Variants in CCDC102B observed in about 807,000 individuals in gnomAD.
CCDC102B encodes the protein coiled-coil domain containing 102B.
CCDC102B carries 75 observed loss-of-function variants against 57.4 expected under a neutral mutation model. The ratio of observed to expected loss-of-function variants is 1.31; its 90% CI spans 1.08 to 1.58. The LOEUF is 1.58. Among genes scored for constraint, CCDC102B ranks in the 40% most tolerant of loss-of-function variants. The probability of loss-of-function intolerance (pLI) is 0.00; values close to 1 mark genes in which losing one functional copy is unlikely to be tolerated. For missense variants in CCDC102B, 636 were observed against 582.6 expected (o/e 1.09, Z -0.94); for synonymous variants, 206 against 201.9 (o/e 1.02, Z -0.17).
chr18:68,799,385 A>T (rs1000165233), intron 1 of CCDC102B, among the ~76,000 whole-genome samples: 1 of 152,092 alleles, frequency 6.6e-6, no homozygotes, highest in Middle Eastern at 3.2e-3. Flanking sequence ...ATATGTTATC[A>T]TTGGATTCAA....
chr18:68,741,678 C>G (rs1263874056), intron 2 of CCDC102B, among the ~76,000 whole-genome samples: 1 of 124,724 alleles, frequency 8.0e-6, no homozygotes, highest in African/African-American at 3.7e-5. Flanking sequence ...CACACACACA[C>G]ACACACACAC....
At chr18:68,987,859 C>A (rs1191342233) in intron 6 of CCDC102B, among the ~76,000 whole-genome samples, 1 of 152,036 alleles carries the variant, frequency 6.6e-6, no homozygotes, top group Non-Finnish European at 1.5e-5. Flanking sequence ...ACCATCAAAC[C>A]AGTCAGAATG....
At chr18:68,742,029 A>C (rs2033415497) in intron 2 of CCDC102B, among the ~76,000 whole-genome samples, 1 of 152,190 alleles carries the variant, frequency 6.6e-6, no homozygotes, top group South Asian at 2.1e-4. Flanking sequence ...ACTGTGTGTT[A>C]GCTTCCTAGG....
chr18:68,793,585 T>C (rs2035534042), upstream of CCDC102B, among the ~76,000 whole-genome samples: 1 of 141,992 alleles, frequency 7.0e-6, no homozygotes, highest in Non-Finnish European at 1.6e-5. Flanking sequence ...AGTATGTTCA[T>C]AGAATATCCA....
chr18:69,009,609 G>A (rs1006682202), intron 6 of CCDC102B, among the ~76,000 whole-genome samples: 1 of 151,988 alleles, frequency 6.6e-6, no homozygotes, highest in Non-Finnish European at 1.5e-5. Context: ...CCTACGTGAT[G>A]ACTAAAAGAA....
intron 6 of CCDC102B, among the ~76,000 whole-genome samples, chr18:68,905,383 A>G (rs1453697256): frequency 6.6e-6 from 1 of 150,654 alleles, no homozygotes; most frequent in Non-Finnish European, 1.5e-5. Flanking sequence ...CACTATTGTT[A>G]CAAAGATTAT....
chr18:68,832,422 C>T (rs930797090), intron 1 of CCDC102B, among the ~76,000 whole-genome samples: 2 of 152,128 alleles, frequency 1.3e-5, no homozygotes, highest in Non-Finnish European at 2.9e-5. Flanking sequence ...TTCAGGATGG[C>T]AGAAGTGATG....
Position 68,950,953 on chromosome 18 carries a change from A to G in CCDC102B, c.1263+53525A>G, listed in dbSNP as rs189045293. On this transcript the variant is annotated intron_variant, in intron 6 of 7. Coordinates refer to ENST00000360242, the MANE Select transcript of CCDC102B (RefSeq NM_024781.3). ...CATAATAAAATATATCTTAGAAAAC[A>G]TCATCATAAAGTGAAGATTCTTGTT... is the stretch of plus-strand genomic sequence containing the variant. Among the ~76,000 whole-genome samples the G allele has an allele frequency of 8.6e-4, 131 of 152,324 alleles. 1 individual carries two copies. Among genetic ancestry groups the G allele is most frequent in the Admixed American group, 7.6e-3 (116 of 15,280 alleles).
chr18:68,745,738 C>T (rs962870451), intron 2 of CCDC102B, among the ~76,000 whole-genome samples: 1 of 152,128 alleles, frequency 6.6e-6, no homozygotes, highest in South Asian at 2.1e-4. Flanking sequence ...CTTCATGCCT[C>T]CCGCCCTTTT....
chr18:68,941,446 C>T (rs974077217), intron 6 of CCDC102B, among the ~76,000 whole-genome samples: 2 of 152,000 alleles, frequency 1.3e-5, no homozygotes, highest in African/African-American at 2.4e-5. Flanking sequence ...CATTTCTGTA[C>T]TATAATCAAG....
intron 6 of CCDC102B, among the ~76,000 whole-genome samples, chr18:68,987,059 G>A (rs73450114): frequency 0.071 from 10,843 of 152,100 alleles, 692 homozygotes; most frequent in African/African-American, 0.16. Flanking sequence ...TCACAGAATT[G>A]GAAACGTCTA....
intron 2 of CCDC102B, among the ~76,000 whole-genome samples, chr18:68,735,245 G>A (rs1332924541): frequency 6.6e-6 from 1 of 151,166 alleles, no homozygotes; most frequent in Non-Finnish European, 1.5e-5. Flanking sequence ...TTTTAGGAGA[G>A]ACAGGGTTTC....
At chr18:68,908,186 G>A (rs914930181) in intron 6 of CCDC102B, 2 of 152,096 alleles carry the variant, frequency 1.3e-5, no homozygotes, top group African/African-American at 4.8e-5. Context: ...CCCTTTTCCA[G>A]TATTGCATAT....
At chr18:68,901,467 G>A (rs2040450459) in intron 6 of CCDC102B, among the ~76,000 whole-genome samples, 1 of 152,082 alleles carries the variant, frequency 6.6e-6, no homozygotes, top group African/African-American at 2.4e-5. Context: ...GGGGTCTCTG[G>A]CTTACATGGA....
chr18:69,000,101 T>C (rs1373314664), intron 6 of CCDC102B, among the ~76,000 whole-genome samples: 1 of 152,200 alleles, frequency 6.6e-6, no homozygotes, highest in African/African-American at 2.4e-5. Flanking sequence ...CTCCAAAGGC[T>C]ATGTGCAGGC....
intron 6 of CCDC102B, among the ~76,000 whole-genome samples, chr18:68,945,737 T>C (rs575941591): frequency 1.3e-5 from 2 of 152,240 alleles, no homozygotes; most frequent in East Asian, 1.9e-4. Flanking sequence ...AGCATATCCA[T>C]ATGCTTTCTT....
At chr18:69,011,685 T>C (rs1055572620) in intron 7 of CCDC102B, among the ~76,000 whole-genome samples, 3 of 148,492 alleles carry the variant, frequency 2.0e-5, no homozygotes, top group African/African-American at 7.7e-5. Context: ...TTGTTTTTTG[T>C]TTTTTTTTAA....
intron 2 of CCDC102B, among the ~76,000 whole-genome samples, chr18:68,742,054 T>G (rs564756403): frequency 6.6e-6 from 1 of 152,198 alleles, no homozygotes; most frequent in Non-Finnish European, 1.5e-5. Flanking sequence ...CTGGAACAAG[T>G]GACTACAAAC....
At chr18:68,816,308 A>G (rs908125025) in intron 1 of CCDC102B, among the ~76,000 whole-genome samples, 5 of 152,200 alleles carry the variant, frequency 3.3e-5, no homozygotes, top group Non-Finnish European at 5.9e-5. Context: ...TGCATATTGT[A>G]GCATATATTC....
Sources: gnomAD v4.1 joint callset for allele counts (sites outside exome capture counted in the v4.1 genomes callset) on GRCh38, gnomAD v4.1.1 for gene constraint, MANE v1.5 for transcripts, NCBI Gene and HGNC (gene_info 2026-07-23, HGNC 2026-07-21) for gene names.